The following PSTPIP2 variants were observed in gnomAD, a reference collection of about 807,000 sequenced individuals.
PSTPIP2 encodes the protein proline-serine-threonine phosphatase-interacting protein 2.
A neutral mutation model predicts 63.3 loss-of-function variants in PSTPIP2; 33 were observed. That is an observed-to-expected ratio of 0.52 (90% CI 0.40 to 0.70). The LOEUF (loss-of-function observed/expected upper bound fraction) is 0.70. PSTPIP2 is among the 30% of genes least tolerant of loss of function. The pLI is 0.00. For synonymous variants in PSTPIP2, 125 were observed against 132.7 expected (o/e 0.94, Z 0.40); for missense variants, 312 against 400.7 (o/e 0.78, Z 1.89).
intron 6 of PSTPIP2, among the ~76,000 whole-genome samples, chr18:46,000,103 C>T (rs182566517): frequency 2.7e-4 from 41 of 152,312 alleles, no homozygotes; most frequent in African/African-American, 9.4e-4. Flanking sequence ...CATGCCACTG[C>T]ACTCCAGCCT....
intron 6 of PSTPIP2, among the ~76,000 whole-genome samples, chr18:46,004,941 A>G (rs1568213385): frequency 1.3e-5 from 2 of 152,232 alleles, no homozygotes; most frequent in Non-Finnish European, 2.9e-5. Context: ...TCATAATAGC[A>G]AAGACACGGA....
intron 10 of PSTPIP2, among the ~76,000 whole-genome samples, chr18:45,993,105 CT>C (rs1568209269): frequency 6.6e-6 from 1 of 151,910 alleles, no homozygotes; most frequent in South Asian, 2.1e-4. Context: ...AATTTTTTTT[CT>C]TTTTTTGAGA....
intron 1 of PSTPIP2, among the ~76,000 whole-genome samples, chr18:46,053,766 T>C (rs1457366716): frequency 6.6e-6 from 1 of 152,066 alleles, no homozygotes; most frequent in Non-Finnish European, 1.5e-5. Context: ...ATCCATACAA[T>C]GGAACATTAA....
At chr18:46,028,140 G>C (rs1409301259) in intron 2 of PSTPIP2, among the ~76,000 whole-genome samples, 1 of 152,260 alleles carries the variant, frequency 6.6e-6, no homozygotes, top group Admixed American at 6.5e-5. Context: ...CAGCCCGGGC[G>C]ACAGAGTGAG....
chr18:45,992,662 C>T (rs755668323), intron 10 of PSTPIP2, among the ~76,000 whole-genome samples: 2 of 151,856 alleles, frequency 1.3e-5, no homozygotes, highest in Non-Finnish European at 2.9e-5. Context: ...TCCAAAGTCC[C>T]AGATTCATAT....
chr18:46,028,394 G>A (rs1261889862), intron 2 of PSTPIP2: 1 of 515,956 alleles, frequency 1.9e-6, no homozygotes, highest in African/African-American at 2.0e-5. Flanking sequence ...GCCAGGCCAA[G>A]CGCGGCGAGG....
intron 1 of PSTPIP2, among the ~76,000 whole-genome samples, chr18:46,051,767 A>T (rs1416742032): frequency 2.0e-5 from 3 of 152,232 alleles, no homozygotes; most frequent in Non-Finnish European, 4.4e-5. Context: ...TTTAATTCAC[A>T]AACATTCAAC....
At chr18:45,997,219 T>C (rs2051605881) in intron 9 of PSTPIP2, among the ~76,000 whole-genome samples, 1 of 152,112 alleles carries the variant, frequency 6.6e-6, no homozygotes, top group South Asian at 2.1e-4. Flanking sequence ...GACGGAGTCT[T>C]GTTCTGTCGC....
chr18:46,064,510 G>C (rs1909112128), intron 1 of PSTPIP2, among the ~76,000 whole-genome samples: 1 of 139,976 alleles, frequency 7.1e-6, no homozygotes, highest in African/African-American at 2.7e-5. Flanking sequence ...ATGTTGACCA[G>C]CCTGGTCTCC....
chr18:46,062,445 A>C (rs1909023904), intron 1 of PSTPIP2, among the ~76,000 whole-genome samples: 1 of 151,970 alleles, frequency 6.6e-6, no homozygotes, highest in Non-Finnish European at 1.5e-5. Flanking sequence ...GTTCAAGACC[A>C]GCCTGGCCAA....
At chr18:46,059,019 T>C (rs1908884626) in intron 1 of PSTPIP2, among the ~76,000 whole-genome samples, 1 of 142,446 alleles carries the variant, frequency 7.0e-6, no homozygotes, top group African/African-American at 2.8e-5. Flanking sequence ...CTCTTAATTC[T>C]TTTTTTTTCT....
chr18:45,997,477 C>T (rs572991505), intron 9 of PSTPIP2, among the ~76,000 whole-genome samples: 4 of 152,216 alleles, frequency 2.6e-5, no homozygotes, highest in Admixed American at 6.5e-5. Flanking sequence ...CATGGGCCAC[C>T]GTGCCTGGCC....
At position 46,039,876 on chromosome 18, in the gene PSTPIP2, G is replaced by T. The variant is rs74409848; in HGVS notation, c.134+71C>A. 1.9e-3 allele frequency: 2,551 copies of T among 1,336,650 alleles called. 54 individuals are homozygous for T. In the African/African-American group the frequency reaches 0.032, roughly 17 times the overall value. 82.8% of individuals were successfully genotyped at this position (1,336,650 alleles called of 1,614,324 possible). ...AACCATTAAACACAAATGAAAAAAA[G>T]GAAATTGTTCCTTGTCTGTGTGGAG... On this transcript the variant is annotated intron_variant, in intron 2 of 14. Coordinates refer to ENST00000409746, the MANE Select transcript of PSTPIP2 (RefSeq NM_024430.4).
At chr18:46,037,214 G>A (rs1446296359) in intron 2 of PSTPIP2, among the ~76,000 whole-genome samples, 16 of 152,134 alleles carry the variant, frequency 1.1e-4, no homozygotes, top group Admixed American at 9.8e-4. Flanking sequence ...GTGCAATGGC[G>A]AGATCTCAGC....
At chr18:46,040,252 A>G in intron 1 of PSTPIP2, 1 of 451,264 alleles carries the variant, frequency 2.2e-6, no homozygotes, top group Non-Finnish European at 3.9e-6. Flanking sequence ...CCTTCAAGGA[A>G]AATTCCAGGT....
At chr18:46,036,087 A>G (rs1907965703) in intron 2 of PSTPIP2, among the ~76,000 whole-genome samples, 1 of 149,294 alleles carries the variant, frequency 6.7e-6, no homozygotes, top group Non-Finnish European at 1.5e-5. Context: ...TTTAATTATT[A>G]TATATTATCT....
intron 9 of PSTPIP2, among the ~76,000 whole-genome samples, chr18:45,995,321 T>C (rs1568210105): frequency 6.6e-6 from 1 of 152,154 alleles, no homozygotes; most frequent in African/African-American, 2.4e-5. Flanking sequence ...CAGGCTGGTC[T>C]TGAACTCCTG....
Position 46,039,990 on chromosome 18 carries a change from C to T in PSTPIP2, c.91G>A (p.Gly31Ser). The T allele has an allele frequency of 6.2e-7, 1 of 1,613,744 alleles. No homozygotes were observed. The highest frequency in any genetic ancestry group is 1.7e-5 in the Admixed American group (1 of 59,986). Residue 31 changes from glycine (G) to serine (S), a missense_variant, in exon 2 of 15, where the codon GGC becomes AGC. Physicochemically the swap from Gly to Ser is moderately conservative, Grantham distance 56. Transcript: ENST00000409746. ...TCAAACTCTTTGCAGTTCTTGCGGC[C>T]ATTGTTCAGATGTTGGATAATGTTG... ...YDNIIQHLNN[G>S]RKNCKEFEDF...
intron 3 of PSTPIP2, among the ~76,000 whole-genome samples, chr18:46,022,597 T>G (rs2144094048): frequency 6.6e-6 from 1 of 152,218 alleles, no homozygotes; most frequent in South Asian, 2.1e-4. Context: ...TGAGACCCCT[T>G]GTTTATAAAT....
Sources: gnomAD v4.1 joint callset for allele counts (sites outside exome capture counted in the v4.1 genomes callset) on GRCh38, gnomAD v4.1.1 for gene constraint, MANE v1.5 for transcripts, NCBI Gene and HGNC (gene_info 2026-07-23, HGNC 2026-07-21) for gene names.